Variants in ECT2 observed in about 807,000 individuals in gnomAD.
ECT2 encodes epithelial cell transforming 2.
Under a neutral mutation model 116.9 loss-of-function variants are expected in ECT2, and 61 were observed. That is an observed-to-expected ratio of 0.52 (90% confidence interval 0.42 to 0.65). ECT2 has a LOEUF of 0.65. Among genes scored for constraint, ECT2 ranks in the 30% least tolerant of loss-of-function variants. ECT2 has a pLI of 0.00. For missense variants in ECT2, 937 were observed against 1,078.7 expected (o/e 0.87, Z 1.84); for synonymous variants, 358 against 346.4 (o/e 1.03, Z -0.37).
rs750396468 is a variant in ECT2 at position 172,764,412 on chromosome 3, C to T, written c.1203C>T (p.Pro401=). The T allele has an allele frequency of 6.2e-7, 1 of 1,614,164 alleles. No homozygotes were observed. Among genetic ancestry groups the T allele is most frequent in the Non-Finnish European group, 8.5e-7 (1 of 1,180,008 alleles). Residue 401 remains proline, a synonymous_variant, in exon 12 of 25, where the codon CCC becomes CCT. Coordinates refer to ENST00000392692, the MANE Select transcript of ECT2 (RefSeq NM_001258315.2). ...AGACAGACGTGTCACCATTTCCACC[C>T]CGTAAGCGCCCATCAGCTGAGCATT... ...SRETDVSPFP[P]RKRPSAEHSL...
chr3:172,778,689 G>A (rs531552298), intron 14 of ECT2, among the ~76,000 whole-genome samples: 4 of 148,808 alleles, frequency 2.7e-5, no homozygotes, highest in Admixed American at 2.7e-4. Context: ...TCCACCTGCC[G>A]GGTTCAAGCA....
At chr3:172,828,595 G>A in the ECT2 span, 1 of 193,120 alleles carries the variant, frequency 5.2e-6, no homozygotes, top group African/African-American at 2.4e-5. Flanking sequence ...TCAATAAATG[G>A]TGCTGAGAAA....
At chr3:172,825,425 G>A (rs764837787), downstream of ECT2, among the ~76,000 whole-genome samples, 16 of 152,144 alleles carry the variant, frequency 1.1e-4, no homozygotes, top group Admixed American at 1.3e-4. Context: ...AACAGAGATA[G>A]ACTGAAAGCA....
At chr3:172,785,587 A>G (rs1378408968) in intron 17 of ECT2, among the ~76,000 whole-genome samples, 1 of 152,006 alleles carries the variant, frequency 6.6e-6, no homozygotes, top group Non-Finnish European at 1.5e-5. Flanking sequence ...ATAATTCCTA[A>G]GCTAAATCTA....
chr3:172,818,964 G>C (rs1730266072), intron 24 of ECT2: 1 of 588,462 alleles, frequency 1.7e-6, no homozygotes, highest in African/African-American at 2.0e-5. Context: ...AGGTTTAATA[G>C]AGTTTCTTAA....
chr3:172,764,937 A>C (rs1287272346), intron 12 of ECT2, among the ~76,000 whole-genome samples: 1 of 152,100 alleles, frequency 6.6e-6, no homozygotes, highest in Non-Finnish European at 1.5e-5. Flanking sequence ...AGGCTCCTAT[A>C]ATTCTTCCTT....
At chr3:172,771,334 C>T (rs558515574) in intron 13 of ECT2, 56 of 152,178 alleles carry the variant, frequency 3.7e-4, no homozygotes, top group Non-Finnish European at 6.6e-4. Flanking sequence ...GAGACACACG[C>T]GTGGTCTTAA....
At chr3:172,773,495 G>A (rs1457863119) in intron 13 of ECT2, among the ~76,000 whole-genome samples, 1 of 152,004 alleles carries the variant, frequency 6.6e-6, no homozygotes, top group East Asian at 1.9e-4. Flanking sequence ...TTTCCCCCAA[G>A]CCAAGCTTCT....
rs1277610799 is a variant in ECT2 at position 172,760,042 on chromosome 3, G to A, written c.577-114G>A. The A allele has an allele frequency of 1.6e-5, 9 of 551,846 alleles. No homozygotes were observed. The South Asian group carries it at 3.1e-4, about 19-fold the overall frequency. The allele number at this position is 551,846 out of a possible 1,614,324, so 34.2% of individuals were successfully genotyped here. A position where few individuals can be genotyped will look rare whatever the true frequency, so the allele number is the denominator to read the frequency against. ...AATTTAATAGCTTTATAAAAATCCC[G>A]TATGTATTTTATAAATAGAAAGTAT... On this transcript the variant is annotated intron_variant, in intron 6 of 24. Transcript: ENST00000392692.
chr3:172,798,789 T>G (rs1726203006), intron 18 of ECT2, among the ~76,000 whole-genome samples: 1 of 152,182 alleles, frequency 6.6e-6, no homozygotes, highest in Admixed American at 6.5e-5. Flanking sequence ...TTTACATAAG[T>G]CTAATAGAAA....
chr3:172,766,050 C>CA (rs924385555), intron 12 of ECT2, among the ~76,000 whole-genome samples: 3 of 152,120 alleles, frequency 2.0e-5, no homozygotes, highest in African/African-American at 7.2e-5. Flanking sequence ...TGATTTGCTT[C>CA]AAATAAGTAA....
chr3:172,785,268 A>G (rs1220948920), intron 17 of ECT2, among the ~76,000 whole-genome samples: 1 of 152,182 alleles, frequency 6.6e-6, no homozygotes, highest in Non-Finnish European at 1.5e-5. Flanking sequence ...CTAGAACTGA[A>G]CTATAGGTAT....
At chr3:172,803,710 T>G (rs1224663690) in intron 20 of ECT2, among the ~76,000 whole-genome samples, 2 of 152,318 alleles carry the variant, frequency 1.3e-5, no homozygotes, top group East Asian at 3.9e-4. Context: ...CTGGAAACTT[T>G]CTGTTACCTT....
intron 1 of ECT2, chr3:172,752,017 C>T (rs899997662): frequency 6.6e-6 from 1 of 152,082 alleles, no homozygotes; most frequent in African/African-American, 2.4e-5. Flanking sequence ...TAATCATCTG[C>T]TTTCGATCAT....
chr3:172,760,601 A>T (rs1368801180), intron 7 of ECT2, among the ~76,000 whole-genome samples: 2 of 150,524 alleles, frequency 1.3e-5, no homozygotes, highest in African/African-American at 4.9e-5. Flanking sequence ...AGTTTTAAGT[A>T]GGCAATGGAA....
chr3:172,761,703 G>C lies in ECT2; in HGVS notation c.758+20G>C. 6.6e-7 allele frequency: 1 copy of C among 1,517,742 alleles called. No homozygotes were observed. Among genetic ancestry groups the C allele is most frequent in the Non-Finnish European group, 9.1e-7 (1 of 1,101,476 alleles). 94.0% of individuals were successfully genotyped at this position (1,517,742 alleles called of 1,614,324 possible). A position where few individuals can be genotyped will look rare whatever the true frequency, so the allele number is the denominator to read the frequency against. Reference sequence around the variant, plus strand: ...TGAACAGTAAGTGTTTAGAAACTCAGTAGTTCATTATGTAAATTAAACATT... The same window carrying C: ...TGAACAGTAAGTGTTTAGAAACTCACTAGTTCATTATGTAAATTAAACATT... On this transcript the variant is annotated intron_variant, in intron 8 of 24. Coordinates refer to ENST00000392692, the MANE Select transcript of ECT2 (RefSeq NM_001258315.2).
intron 18 of ECT2, among the ~76,000 whole-genome samples, chr3:172,791,952 T>C (rs1189403872): frequency 6.6e-6 from 1 of 152,184 alleles, no homozygotes; most frequent in Admixed American, 6.6e-5. Flanking sequence ...TGACTCCTCC[T>C]TTCACTTAAA....
intron 24 of ECT2, 41 bp downstream of exon 24, chr3:172,816,878 G>A (rs751660386): frequency 2.1e-6 from 3 of 1,446,786 alleles, no homozygotes; most frequent in South Asian, 3.1e-5. Context: ...ACTTATTTAT[G>A]AAGTTGTTAT....
chr3:172,750,937 G>C (rs958708315), intron 1 of ECT2, 80 bp downstream of exon 1: 8 of 152,498 alleles, frequency 5.2e-5, no homozygotes, highest in Admixed American at 3.3e-4. Context: ...TGCGGTCGAC[G>C]TCCCCGCCCC....
Sources: gnomAD v4.1 joint callset for allele counts (sites outside exome capture counted in the v4.1 genomes callset) on GRCh38, gnomAD v4.1.1 for gene constraint, MANE v1.5 for transcripts, NCBI Gene and HGNC (gene_info 2026-07-23, HGNC 2026-07-21) for gene names.